The following KCTD8 variants were observed in gnomAD, a reference collection of about 807,000 sequenced individuals.
The protein encoded by KCTD8 is potassium channel tetramerization domain containing 8, also known as BTB/POZ domain-containing protein KCTD8.
In KCTD8, 27 loss-of-function variants were observed where a neutral mutation model predicts 31.5. The ratio of observed to expected loss-of-function variants is 0.86; its 90% CI spans 0.63 to 1.18. The LOEUF is 1.18. Among genes scored for constraint, KCTD8 ranks in the 50% most tolerant of loss-of-function variants. The pLI is 0.00. For synonymous variants in KCTD8, 290 were observed against 280.0 expected (o/e 1.04, Z -0.36); for missense variants, 658 against 647.7 (o/e 1.02, Z -0.17).
intron 1 of KCTD8, among the ~76,000 whole-genome samples, chr4:44,228,243 G>C (rs912814046): frequency 2.0e-5 from 3 of 152,088 alleles, no homozygotes; most frequent in Admixed American, 2.0e-4. Flanking sequence ...GTTCTTCTGA[G>C]GCTTCTCTCC....
chr4:44,281,680 T>C (rs1287253551), intron 1 of KCTD8, among the ~76,000 whole-genome samples: 1 of 152,112 alleles, frequency 6.6e-6, no homozygotes, highest in Non-Finnish European at 1.5e-5. Context: ...TAGTAGAAAT[T>C]AGTCTTGAAA....
intron 1 of KCTD8, among the ~76,000 whole-genome samples, chr4:44,181,225 ACGGTCTCCCTCTCCCTCTCTTTCCACG>A (rs1713377383): frequency 1.0e-5 from 1 of 99,918 alleles, no homozygotes; most frequent in African/African-American, 4.7e-5. Flanking sequence ...CTCTCTTTCC[ACGGTCTCCCTCTCCCTCTCTTTCCACG>A]GTCTCCCTCT....
At chr4:44,230,592 C>CA (rs1715093390) in intron 1 of KCTD8, among the ~76,000 whole-genome samples, 1 of 152,120 alleles carries the variant, frequency 6.6e-6, no homozygotes, top group South Asian at 2.1e-4. Flanking sequence ...AGATCCATTA[C>CA]ATGTTAACTT....
intron 1 of KCTD8, among the ~76,000 whole-genome samples, chr4:44,257,750 A>T (rs987187874): frequency 6.6e-6 from 1 of 152,016 alleles, no homozygotes; most frequent in African/African-American, 2.4e-5. Flanking sequence ...GATGCAAGGC[A>T]GCCATAGTTC....
At chr4:44,215,889 GT>G (rs559738574) in intron 1 of KCTD8, among the ~76,000 whole-genome samples, 119 of 152,306 alleles carry the variant, frequency 7.8e-4, no homozygotes, top group Middle Eastern at 3.4e-3. Context: ...CAGGTACCCT[GT>G]GTGATGTCAC....
rs935117875 is a variant in KCTD8, at chr4:44,447,792, G to A, written c.732C>T (p.Ala244=). ...RIMVCGRIAL[A]KEVFGDTLNE... Reference sequence around the variant, plus strand: ...TGAGCGTGTCCCCGAAGACCTCCTTGGCCAGCGCGATGCGCCCGCACACCA... The same window carrying A: ...TGAGCGTGTCCCCGAAGACCTCCTTAGCCAGCGCGATGCGCCCGCACACCA... Residue 244 remains alanine, a synonymous_variant, in exon 1 of 2, where the codon GCC becomes GCT. Coordinates refer to ENST00000360029, the MANE Select transcript of KCTD8 (RefSeq NM_198353.3). 1.2e-6 allele frequency: 2 copies of A among 1,607,692 alleles called. No homozygotes were observed. Among genetic ancestry groups the A allele is most frequent in the Non-Finnish European group, 1.7e-6 (2 of 1,176,414 alleles).
In KCTD8 at chr4:44,380,769, T is replaced by C. The variant is rs562814105; in HGVS notation, c.961+66794A>G. On this transcript the variant is annotated intron_variant, in intron 1 of 1. Transcript: ENST00000360029. The stretch of plus-strand genomic sequence containing the variant: ...TGTTATTTTCCTCATATATTTTATG[T>C]TTTATGTCTAGATTGAAGATGATTC... Among the ~76,000 whole-genome samples, 83 of 152,038 alleles carry C rather than the reference T, an allele frequency of 5.5e-4. No homozygotes were observed. The Middle Eastern group carries it at 0.01, about 19-fold the overall frequency.
chr4:44,196,455 C>A (rs934351439), intron 1 of KCTD8, among the ~76,000 whole-genome samples: 29 of 152,142 alleles, frequency 1.9e-4, no homozygotes, highest in African/African-American at 7.0e-4. Flanking sequence ...GCATTTAAAA[C>A]CTTTCTTGGA....
At chr4:44,331,825 T>C (rs1718597548) in intron 1 of KCTD8, among the ~76,000 whole-genome samples, 2 of 149,564 alleles carry the variant, frequency 1.3e-5, no homozygotes, top group South Asian at 2.1e-4. Context: ...AATTCATATA[T>C]ATGAAAAAAA....
At chr4:44,337,707 A>G (rs1718790066) in intron 1 of KCTD8, among the ~76,000 whole-genome samples, 1 of 150,628 alleles carries the variant, frequency 6.6e-6, no homozygotes, top group African/African-American at 2.4e-5. Context: ...ATGTGTATAT[A>G]TATTTAGTCA....
intron 1 of KCTD8, among the ~76,000 whole-genome samples, chr4:44,288,034 T>TC (rs1462808262): frequency 6.6e-6 from 1 of 152,156 alleles, no homozygotes; most frequent in African/African-American, 2.4e-5. Flanking sequence ...TTGCTAACAG[T>TC]CCTTTAGTTG....
intron 1 of KCTD8, among the ~76,000 whole-genome samples, chr4:44,401,366 C>A (rs78469492): frequency 0.067 from 10,191 of 152,008 alleles, 428 homozygotes; most frequent in South Asian, 0.11. Context: ...TTCCCTGATG[C>A]GCATCTTCTT....
intron 1 of KCTD8, among the ~76,000 whole-genome samples, chr4:44,217,822 C>T (rs922049787): frequency 1.3e-5 from 2 of 152,110 alleles, no homozygotes; most frequent in Non-Finnish European, 2.9e-5. Context: ...AGTGGTTTGC[C>T]AGGGGCTCTC....
intron 1 of KCTD8, among the ~76,000 whole-genome samples, chr4:44,323,416 C>A (rs573703005): frequency 1.3e-5 from 2 of 151,460 alleles, no homozygotes; most frequent in Non-Finnish European, 2.9e-5. Context: ...ATCCCTTGAA[C>A]GTAGGAGGCA....
chr4:44,290,163 A>G (rs1717227952), intron 1 of KCTD8, among the ~76,000 whole-genome samples: 1 of 152,262 alleles, frequency 6.6e-6, no homozygotes, highest in Admixed American at 6.5e-5. Flanking sequence ...AGGAATCACA[A>G]TTCTTATATC....
intron 1 of KCTD8, among the ~76,000 whole-genome samples, chr4:44,366,586 A>G (rs1719642346): frequency 6.6e-6 from 1 of 152,178 alleles, no homozygotes; most frequent in Non-Finnish European, 1.5e-5. Flanking sequence ...ACCCAGTCAC[A>G]GGTAGTTTCT....
intron 1 of KCTD8, among the ~76,000 whole-genome samples, chr4:44,379,990 C>G (rs947245272): frequency 2.0e-5 from 3 of 151,932 alleles, no homozygotes; most frequent in Admixed American, 2.0e-4. Context: ...TACATCAACA[C>G]TGAATTTAGC....
intron 1 of KCTD8, among the ~76,000 whole-genome samples, chr4:44,264,675 T>C (rs1716283778): frequency 6.6e-6 from 1 of 151,696 alleles, no homozygotes; most frequent in Admixed American, 6.6e-5. Flanking sequence ...ATCGGGTCAC[T>C]CCCCCCCGAA....
At chr4:44,316,968 A>G (rs1390406779) in intron 1 of KCTD8, among the ~76,000 whole-genome samples, 4 of 150,412 alleles carry the variant, frequency 2.7e-5, no homozygotes, top group African/African-American at 7.4e-5. Context: ...ACAGAGCGAG[A>G]CTCCATCTCA....
Sources: gnomAD v4.1 joint callset for allele counts (sites outside exome capture counted in the v4.1 genomes callset) on GRCh38, gnomAD v4.1.1 for gene constraint, MANE v1.5 for transcripts, NCBI Gene and HGNC (gene_info 2026-07-23, HGNC 2026-07-21) for gene names.